The following SLC9A9 variants were observed in gnomAD, a reference collection of about 807,000 sequenced individuals.
The protein encoded by SLC9A9 is solute carrier family 9 member A9.
In SLC9A9, 62 loss-of-function variants were observed where a neutral mutation model predicts 77.8. The observed-to-expected ratio is 0.80, with a 90% CI of 0.65 to 0.98. The LOEUF (loss-of-function observed/expected upper bound fraction) is 0.98, where lower values mean the gene tolerates loss of function less well. SLC9A9 is among the 50% of genes least tolerant of loss of function. SLC9A9 has a pLI of 0.00. For synonymous variants in SLC9A9, 320 were observed against 283.5 expected, an observed-to-expected ratio of 1.13 and a Z score of -1.29; for missense variants, 775 against 774.9, an observed-to-expected ratio of 1.00 and a Z score of 0.00.
At chr3:143,599,900 T>A (rs2037816535) in intron 6 of SLC9A9, among the ~76,000 whole-genome samples, 1 of 152,162 alleles carries the variant, frequency 6.6e-6, no homozygotes, top group Non-Finnish European at 1.5e-5. Flanking sequence ...AAACAAAAAA[T>A]TCTGGAGAAT....
intron 5 of SLC9A9, among the ~76,000 whole-genome samples, chr3:143,662,979 T>C (rs1011804101): frequency 2.6e-5 from 4 of 152,130 alleles, no homozygotes; most frequent in East Asian, 1.9e-4. Context: ...ACTGAAAGAC[T>C]GCCTCCTCAA....
chr3:143,568,062 G>T (rs2037198067), intron 8 of SLC9A9, among the ~76,000 whole-genome samples: 1 of 152,084 alleles, frequency 6.6e-6, no homozygotes, highest in African/African-American at 2.4e-5. Flanking sequence ...ACAGACTCTG[G>T]CTAGCATAAT....
intron 6 of SLC9A9, among the ~76,000 whole-genome samples, chr3:143,618,519 G>T (rs2038146051): frequency 6.6e-6 from 1 of 152,052 alleles, no homozygotes; most frequent in African/African-American, 2.4e-5. Context: ...GGGGCTCAAA[G>T]ACAGTACAAA....
intron 4 of SLC9A9, among the ~76,000 whole-genome samples, chr3:143,781,802 T>C (rs1298998976): frequency 6.6e-6 from 1 of 152,256 alleles, no homozygotes; most frequent in Non-Finnish European, 1.5e-5. Context: ...GTTGATAATG[T>C]AGCTTGCCTT....
In SLC9A9 at chr3:143,707,929, T is replaced by C. The variant is rs566726091; in HGVS notation, c.534-14622A>G. Among the ~76,000 whole-genome samples the C allele has an allele frequency of 3.7e-4, 57 of 152,152 alleles. 1 individual carries two copies. Among genetic ancestry groups the C allele is most frequent in the Admixed American group, 5.9e-4 (9 of 15,276 alleles). ...ATTCTGCTGCCCATCTGCCTCAAACTTGTCACCTTCCTGGGCCTTCCTAGA... is the reference window on the plus strand; with the variant it reads ...ATTCTGCTGCCCATCTGCCTCAAACCTGTCACCTTCCTGGGCCTTCCTAGA... On this transcript the variant is annotated intron_variant, in intron 4 of 15. Transcript: ENST00000316549.
chr3:143,721,374 CAGG>C (rs138539670), intron 4 of SLC9A9, among the ~76,000 whole-genome samples: 3,974 of 152,204 alleles, frequency 0.026, 161 homozygotes, highest in African/African-American at 0.09. Context: ...TGTGGGCAGA[CAGG>C]AGGAGTTCAA....
intron 12 of SLC9A9, among the ~76,000 whole-genome samples, chr3:143,463,048 A>T (rs1414239933): frequency 6.6e-6 from 1 of 152,188 alleles, no homozygotes; most frequent in Non-Finnish European, 1.5e-5. Flanking sequence ...TTATTATCTG[A>T]TATCTGGCAC....
intron 1 of SLC9A9, among the ~76,000 whole-genome samples, chr3:143,834,673 G>T (rs558440579): frequency 7.0e-6 from 1 of 142,460 alleles, no homozygotes; most frequent in Non-Finnish European, 1.5e-5. Context: ...GCAAGTCTTT[G>T]TCATAATAGT....
At chr3:143,531,213 C>T (rs1433721353) in intron 9 of SLC9A9, among the ~76,000 whole-genome samples, 1 of 152,176 alleles carries the variant, frequency 6.6e-6, no homozygotes, top group East Asian at 1.9e-4. Flanking sequence ...CAACTCATGC[C>T]TCCGCTTGAG....
At chr3:143,810,319 AT>A (rs1214353633) in intron 2 of SLC9A9, among the ~76,000 whole-genome samples, 1 of 152,246 alleles carries the variant, frequency 6.6e-6, no homozygotes, top group Non-Finnish European at 1.5e-5. Flanking sequence ...CATTGACTCA[AT>A]ATGACTTATC....
At position 143,288,114 on chromosome 3, in the gene SLC9A9, T is replaced by C. The variant is rs115036732; in HGVS notation, c.1605-19134A>G. 4.9e-3 allele frequency among the ~76,000 whole-genome samples: 744 copies of C among 152,282 alleles called. 7 individuals carry two copies. Among genetic ancestry groups the C allele is most frequent in the African/African-American group, 0.017 (689 of 41,570 alleles). On this transcript the variant is annotated intron_variant, in intron 14 of 15. Coordinates refer to ENST00000316549, the MANE Select transcript of SLC9A9 (RefSeq NM_173653.4). ...ATGGAACATTTCCTTCTGAACGGAA[T>C]TGTAGTGAATTGAGAACTAAAGAGC...
At chr3:143,840,279 A>G (rs1340338444) in intron 1 of SLC9A9, among the ~76,000 whole-genome samples, 1 of 152,158 alleles carries the variant, frequency 6.6e-6, no homozygotes, top group Non-Finnish European at 1.5e-5. Flanking sequence ...TTGAAATTCC[A>G]TCAAAACCCA....
At chr3:143,796,408 A>G (rs2008385942) in intron 3 of SLC9A9, among the ~76,000 whole-genome samples, 1 of 152,226 alleles carries the variant, frequency 6.6e-6, no homozygotes, top group African/African-American at 2.4e-5. Flanking sequence ...CAGCTACATT[A>G]AAATGTTTTT....
intron 8 of SLC9A9, among the ~76,000 whole-genome samples, chr3:143,572,088 T>C (rs947816859): frequency 6.6e-6 from 1 of 152,192 alleles, no homozygotes; most frequent in Non-Finnish European, 1.5e-5. Context: ...ACCCATCCCA[T>C]GATGCTGGCT....
intron 12 of SLC9A9, among the ~76,000 whole-genome samples, chr3:143,433,512 G>A (rs190944865): frequency 1.6e-4 from 24 of 152,118 alleles, no homozygotes; most frequent in East Asian, 7.7e-4. Context: ...TTATAATAAC[G>A]TCCAATACAT....
At chr3:143,363,862 T>C (rs2032824371) in intron 13 of SLC9A9, among the ~76,000 whole-genome samples, 1 of 151,688 alleles carries the variant, frequency 6.6e-6, no homozygotes, top group Non-Finnish European at 1.5e-5. Flanking sequence ...ATAGTGCTGT[T>C]GTGGGAATTT....
At position 143,317,648 on chromosome 3, in the gene SLC9A9, T is replaced by G. The variant is rs561293936; in HGVS notation, c.1604+45836A>C. Among the ~76,000 whole-genome samples the G allele has an allele frequency of 2.2e-4, 9 of 41,614 alleles. No individual in the cohort carries two copies. In the East Asian group the frequency reaches 2.8e-3, roughly 13 times the overall value. The allele number at this position is 41,614 out of a possible 152,430, so 27.3% of individuals were successfully genotyped here. Reference sequence around the variant, plus strand: ...AAGAAAGCAGTGTCTGTCTACAAATTTCCTTATGTATTTCTCAGGTTTGAA... The same window carrying G: ...AAGAAAGCAGTGTCTGTCTACAAATGTCCTTATGTATTTCTCAGGTTTGAA... On this transcript the variant is annotated intron_variant, in intron 14 of 15. Coordinates refer to ENST00000316549, the MANE Select transcript of SLC9A9 (RefSeq NM_173653.4).
chr3:143,474,308 G>T (rs954345031), intron 11 of SLC9A9, among the ~76,000 whole-genome samples: 1 of 152,072 alleles, frequency 6.6e-6, no homozygotes, highest in Admixed American at 6.6e-5. Flanking sequence ...CAAGGCTTTT[G>T]AATTTTATTT....
chr3:143,499,012 C>G (rs1050820037), intron 9 of SLC9A9, among the ~76,000 whole-genome samples: 3 of 152,182 alleles, frequency 2.0e-5, no homozygotes, highest in Admixed American at 6.5e-5. Flanking sequence ...GTTTGCCTTT[C>G]TGTAGAATTG....
Sources: gnomAD v4.1 joint callset for allele counts (sites outside exome capture counted in the v4.1 genomes callset) on GRCh38, gnomAD v4.1.1 for gene constraint, MANE v1.5 for transcripts, NCBI Gene and HGNC (gene_info 2026-07-23, HGNC 2026-07-21) for gene names.